AKAP19: variants seen among roughly 807,000 people sequenced by gnomAD.
AKAP19 encodes small A-kinase anchoring protein.
the AKAP19 span, among the ~76,000 whole-genome samples, chr2:190,154,245 C>T: frequency 2.3e-4 from 35 of 152,094 alleles, no homozygotes; most frequent in Admixed American, 2.0e-3. Flanking sequence ...TTTCATCTTC[C>T]GAGTTTTCAA....
chr2:190,197,524 A>T, the AKAP19 span, among the ~76,000 whole-genome samples: 3 of 152,140 alleles, frequency 2.0e-5, no homozygotes, highest in Non-Finnish European at 2.9e-5. This position sits in a 1 kb window ranked among gnomAD's most constrained non-coding sequence, Gnocchi z 4.0. Context: ...TATCTTATAA[A>T]TTCCAGCTGT....
the AKAP19 span, among the ~76,000 whole-genome samples, chr2:190,096,698 A>T: frequency 6.6e-6 from 1 of 152,200 alleles, no homozygotes; most frequent in African/African-American, 2.4e-5. Context: ...CACAGATTAG[A>T]TCATTTATTT....
chr2:190,135,306 G>A, the AKAP19 span, among the ~76,000 whole-genome samples: 15 of 152,096 alleles, frequency 9.9e-5, no homozygotes, highest in Non-Finnish European at 2.1e-4. Context: ...GGTGTGGAAC[G>A]TGGTTTTTAA....
chr2:190,013,162 T>A, the AKAP19 span, among the ~76,000 whole-genome samples: 3 of 152,212 alleles, frequency 2.0e-5, no homozygotes, highest in Admixed American at 6.5e-5. Flanking sequence ...CTTCAATTTT[T>A]TGGAAGACTT....
chr2:189,914,664 T>C, the AKAP19 span, among the ~76,000 whole-genome samples: 25 of 152,252 alleles, frequency 1.6e-4, no homozygotes, highest in African/African-American at 5.8e-4. Context: ...TTTAAAATGT[T>C]GCTTCATTAA....
At chr2:190,168,007 A>G in the AKAP19 span, among the ~76,000 whole-genome samples, 1 of 152,064 alleles carries the variant, frequency 6.6e-6, no homozygotes, top group Admixed American at 6.5e-5. Flanking sequence ...CCAACCCCAC[A>G]TTTCCCTTCC....
the AKAP19 span, among the ~76,000 whole-genome samples, chr2:189,995,724 G>A: frequency 6.6e-6 from 1 of 151,920 alleles, no homozygotes; most frequent in Non-Finnish European, 1.5e-5. Context: ...GGTTCTGTGA[G>A]ACTTGTGCTT....
the AKAP19 span, among the ~76,000 whole-genome samples, chr2:190,008,463 G>T: frequency 0.034 from 5,226 of 151,826 alleles, 287 homozygotes; most frequent in African/African-American, 0.12. Context: ...ACATTTTGTT[G>T]GTTTAATTAT....
the AKAP19 span, among the ~76,000 whole-genome samples, chr2:190,011,598 G>A: frequency 3.9e-4 from 59 of 152,234 alleles, 1 homozygote; most frequent in Non-Finnish European, 4.1e-4. Context: ...CCATTTTGAA[G>A]TTTTTAAAAT....
At chr2:189,906,656 A>G in the AKAP19 span, among the ~76,000 whole-genome samples, 1 of 152,176 alleles carries the variant, frequency 6.6e-6, no homozygotes, top group Admixed American at 6.6e-5. Context: ...GTGTTATTTT[A>G]ACTAGCTGCA....
At chr2:190,129,672 A>C in the AKAP19 span, among the ~76,000 whole-genome samples, 1 of 152,144 alleles carries the variant, frequency 6.6e-6, no homozygotes, top group East Asian at 1.9e-4. Context: ...AGGCAATAAT[A>C]TTAGCAAGTA....
the AKAP19 span, among the ~76,000 whole-genome samples, chr2:190,065,507 C>T: frequency 6.6e-6 from 1 of 152,148 alleles, no homozygotes; most frequent in African/African-American, 2.4e-5. Context: ...AAAAAGTTCT[C>T]ATGAAAAAAT....
At chr2:190,096,953 G>A in the AKAP19 span, among the ~76,000 whole-genome samples, 2,647 of 152,192 alleles carry the variant, frequency 0.017, 71 homozygotes, top group African/African-American at 0.059. Flanking sequence ...CTTCCTAAAG[G>A]CCCCACCTCT....
chr2:190,166,797 A>G, the AKAP19 span, among the ~76,000 whole-genome samples: 2 of 152,182 alleles, frequency 1.3e-5, no homozygotes, highest in Admixed American at 1.3e-4. Context: ...TACAACAAAC[A>G]TTGTAGTAAA....
chr2:190,160,852 CATAAT>C, the AKAP19 span, among the ~76,000 whole-genome samples: 1 of 152,072 alleles, frequency 6.6e-6, no homozygotes, highest in African/African-American at 2.4e-5. Context: ...ACTTTTAATT[CATAAT>C]ATAAGTGACA....
chr2:190,038,908 T>TTCTTCC, the AKAP19 span, among the ~76,000 whole-genome samples: 1 of 74,026 alleles, frequency 1.4e-5, no homozygotes, highest in South Asian at 4.1e-4. Flanking sequence ...TTCTTTCTTC[T>TTCTTCC]TCTTCTTCTT....
At chr2:190,200,037 G>A in the AKAP19 span, 3 of 1,614,080 alleles carry the variant, frequency 1.9e-6, no homozygotes, top group Admixed American at 3.3e-5. Context: ...CTGTGATCTT[G>A]GAATATGCAC....
the AKAP19 span, among the ~76,000 whole-genome samples, chr2:189,901,633 C>T: frequency 4.6e-5 from 7 of 152,096 alleles, no homozygotes; most frequent in Non-Finnish European, 7.4e-5. Context: ...TCACCATGCC[C>T]GGCTGCATTT....
At chr2:190,039,663 CCCT>C in the AKAP19 span, among the ~76,000 whole-genome samples, 1 of 151,898 alleles carries the variant, frequency 6.6e-6, no homozygotes, top group African/African-American at 2.4e-5. Flanking sequence ...CTGCTTGTCT[CCCT>C]CCTCCCACCC....
Sources: allele counts gnomAD v4.1 joint callset (sites outside exome capture counted in the v4.1 genomes callset), GRCh38; gene constraint gnomAD v4.1.1; non-coding constraint Gnocchi (gnomAD v3.1); transcripts MANE v1.5; gene names NCBI Gene and HGNC (gene_info 2026-07-23, HGNC 2026-07-21).